Variants in ACKR2 observed in about 807,000 individuals in gnomAD.
The protein encoded by ACKR2 is atypical chemokine receptor 2, also known as C-C chemokine receptor D6.
For synonymous variants in ACKR2, 207 were observed against 192.2 expected (o/e 1.08, Z -0.64); for missense variants, 457 against 477.3 (o/e 0.96, Z 0.40).
At chr3:42,810,850 C>T (rs1439407609) in intron 1 of ACKR2, among the ~76,000 whole-genome samples, 2 of 152,212 alleles carry the variant, frequency 1.3e-5, no homozygotes, top group East Asian at 3.8e-4. Flanking sequence ...TGATTCCTAA[C>T]ACCGACTTCA....
chr3:42,839,692 G>C (rs1191759498), intron 2 of ACKR2, among the ~76,000 whole-genome samples: 1 of 152,170 alleles, frequency 6.6e-6, no homozygotes, highest in East Asian at 1.9e-4. Flanking sequence ...GAACTTTTTG[G>C]TACATCAGGC....
chr3:42,854,013 G>A (rs1701191627), intron 2 of ACKR2, among the ~76,000 whole-genome samples: 1 of 151,942 alleles, frequency 6.6e-6, no homozygotes, highest in Non-Finnish European at 1.5e-5. Context: ...AGCCCCTGAG[G>A]GACCTACACA....
chr3:42,854,893 G>T (rs965260084), intron 2 of ACKR2, among the ~76,000 whole-genome samples: 1 of 126,918 alleles, frequency 7.9e-6, no homozygotes, highest in Non-Finnish European at 1.6e-5. Context: ...TTTCACTCTT[G>T]TTGCCCAGGC....
intron 2 of ACKR2, among the ~76,000 whole-genome samples, chr3:42,833,854 G>A (rs1700957642): frequency 1.3e-5 from 2 of 151,934 alleles, no homozygotes; most frequent in African/African-American, 4.8e-5. Flanking sequence ...TTTCAACCCT[G>A]TGTTGAGCAA....
intron 2 of ACKR2, among the ~76,000 whole-genome samples, chr3:42,828,119 T>G (rs1700892068): frequency 6.7e-6 from 1 of 150,164 alleles, no homozygotes; most frequent in African/African-American, 2.4e-5. Context: ...TTCTTTTCTT[T>G]TCTTTTCTGA....
chr3:42,816,093 AGT>A (rs111824113), intron 1 of ACKR2, among the ~76,000 whole-genome samples: 3,570 of 152,116 alleles, frequency 0.023, 54 homozygotes, highest in Middle Eastern at 0.078. Flanking sequence ...GCATATAGTA[AGT>A]GTTATATGTG....
chr3:42,859,629 C>G (rs992416834), intron 2 of ACKR2, among the ~76,000 whole-genome samples: 1 of 152,156 alleles, frequency 6.6e-6, no homozygotes, highest in Non-Finnish European at 1.5e-5. Flanking sequence ...GATCTGCTCA[C>G]CTCGGCCTCC....
intron 2 of ACKR2, among the ~76,000 whole-genome samples, chr3:42,853,680 C>T (rs896007212): frequency 1.3e-5 from 2 of 152,188 alleles, no homozygotes; most frequent in African/African-American, 4.8e-5. Flanking sequence ...AGTTCTCTAA[C>T]TTCCCTGTGT....
chr3:42,856,563 A>G, intron 2 of ACKR2: 1 of 570,606 alleles, frequency 1.8e-6, no homozygotes, highest in Non-Finnish European at 3.1e-6. Context: ...CTATTATAAG[A>G]CCTCATAAAA....
chr3:42,845,782 G>C (rs1701087164), intron 2 of ACKR2, among the ~76,000 whole-genome samples: 1 of 150,130 alleles, frequency 6.7e-6, no homozygotes, highest in Admixed American at 6.6e-5. Flanking sequence ...CTGGAAGGCG[G>C]AGGCTGCAGT....
chr3:42,849,606 G>A (rs1403898929), intron 2 of ACKR2, among the ~76,000 whole-genome samples: 4 of 152,214 alleles, frequency 2.6e-5, no homozygotes, highest in Admixed American at 2.6e-4. Context: ...GGGTGCTGCT[G>A]CATGTGGAAG....
At chr3:42,817,774 T>G (rs1440582499) in intron 1 of ACKR2, among the ~76,000 whole-genome samples, 2 of 152,170 alleles carry the variant, frequency 1.3e-5, no homozygotes, top group South Asian at 2.1e-4. Flanking sequence ...GAAACAACAA[T>G]AGTAAAGGAC....
intron 1 of ACKR2, among the ~76,000 whole-genome samples, chr3:42,810,791 C>T (rs1454488589): frequency 1.3e-5 from 2 of 152,240 alleles, no homozygotes; most frequent in East Asian, 3.8e-4. Context: ...AAAATTGCTT[C>T]ATTAAAAATC....
At chr3:42,833,196 T>A (rs1005210308) in intron 2 of ACKR2, among the ~76,000 whole-genome samples, 3 of 152,110 alleles carry the variant, frequency 2.0e-5, no homozygotes, top group Admixed American at 6.6e-5. Context: ...AGATGAGGGC[T>A]CACTAAGTTG....
intron 2 of ACKR2, among the ~76,000 whole-genome samples, chr3:42,839,860 G>A (rs1281123222): frequency 6.6e-6 from 1 of 152,166 alleles, no homozygotes; most frequent in Non-Finnish European, 1.5e-5. Flanking sequence ...ATGTAGAAGT[G>A]CATGTAAAGG....
At chr3:42,834,084 G>A (rs1432087405) in intron 2 of ACKR2, among the ~76,000 whole-genome samples, 1 of 152,016 alleles carries the variant, frequency 6.6e-6, no homozygotes, top group Admixed American at 6.5e-5. Context: ...TCAGCCTCCC[G>A]AGTAGCTGGG....
intron 2 of ACKR2, among the ~76,000 whole-genome samples, chr3:42,820,592 CAAAAA>C (rs749184218): frequency 1.4e-5 from 1 of 69,792 alleles, no homozygotes; most frequent in Admixed American, 1.7e-4. Flanking sequence ...GACTCTGTCT[CAAAAA>C]AAAAAAAAAA....
chr3:42,836,563 C>T lies in ACKR2; in HGVS notation c.-38+16852C>T, dbSNP rs78701435. Reference sequence around the variant, plus strand: ...AACTCAGATGGAAAGGGCCCTGTGGCGTTCTGTTGACCATTGTCATGACTC... The same window carrying T: ...AACTCAGATGGAAAGGGCCCTGTGGTGTTCTGTTGACCATTGTCATGACTC... On this transcript the variant is annotated intron_variant, in intron 2 of 2. Coordinates refer to ENST00000422265, the MANE Select transcript of ACKR2 (RefSeq NM_001296.5). Among the ~76,000 whole-genome samples the T allele has an allele frequency of 3.9e-5, 6 of 152,306 alleles. No homozygotes were observed. The East Asian group carries it at 9.6e-4, about 24-fold the overall frequency.
intron 2 of ACKR2, among the ~76,000 whole-genome samples, chr3:42,850,646 C>G (rs1701145177): frequency 6.6e-6 from 1 of 152,182 alleles, no homozygotes; most frequent in Non-Finnish European, 1.5e-5. Context: ...GACCCTCATA[C>G]TGCTAAGCAT....
Sources: allele counts gnomAD v4.1 joint callset (sites outside exome capture counted in the v4.1 genomes callset), GRCh38; gene constraint gnomAD v4.1.1; transcripts MANE v1.5; gene names NCBI Gene and HGNC (gene_info 2026-07-23, HGNC 2026-07-21).